Variants in SPOCK1 observed in about 807,000 individuals in gnomAD.
SPOCK1 encodes testican-1.
In SPOCK1, 23 loss-of-function variants were observed where a neutral mutation model predicts 55.3. That is an observed-to-expected ratio of 0.42 (90% CI 0.30 to 0.59). SPOCK1 has a LOEUF of 0.59. Among genes scored for constraint, SPOCK1 ranks in the 20% least tolerant of loss-of-function variants. SPOCK1 has a pLI of 0.22. For missense variants in SPOCK1, 499 were observed against 552.5 expected (o/e 0.90, Z 0.97); for synonymous variants, 226 against 221.0 (o/e 1.02, Z -0.20).
At chr5:137,349,007 A>G (rs901557326) in intron 2 of SPOCK1, among the ~76,000 whole-genome samples, 3 of 152,254 alleles carry the variant, frequency 2.0e-5, no homozygotes, top group Admixed American at 1.3e-4. Context: ...GACTCAACAC[A>G]CTGGTGCTGC....
chr5:137,348,355 T>C (rs1750603827), intron 2 of SPOCK1, among the ~76,000 whole-genome samples: 1 of 152,056 alleles, frequency 6.6e-6, no homozygotes. Flanking sequence ...AAGTTGATTA[T>C]TGGCCTAAAT....
At chr5:137,284,855 A>G (rs554769350) in intron 2 of SPOCK1, among the ~76,000 whole-genome samples, 5 of 152,270 alleles carry the variant, frequency 3.3e-5, no homozygotes, top group African/African-American at 1.2e-4. Flanking sequence ...GAACTACAAG[A>G]TGAGGGAACA....
At chr5:137,252,629 T>C (rs538984303) in intron 3 of SPOCK1, among the ~76,000 whole-genome samples, 6 of 152,310 alleles carry the variant, frequency 3.9e-5, no homozygotes, top group African/African-American at 1.4e-4. Flanking sequence ...ATATAAACAC[T>C]AGGCACATAG....
intron 2 of SPOCK1, among the ~76,000 whole-genome samples, chr5:137,453,813 T>C (rs1021867939): frequency 5.9e-5 from 9 of 152,212 alleles, no homozygotes; most frequent in Non-Finnish European, 1.5e-5. Context: ...ATTGCCCTGT[T>C]CTGTGGGGGT....
chr5:137,014,942 C>G (rs547701691), intron 6 of SPOCK1, among the ~76,000 whole-genome samples: 1 of 152,242 alleles, frequency 6.6e-6, no homozygotes, highest in South Asian at 2.1e-4. Flanking sequence ...AGGTCAAGCC[C>G]ATTTGGAGGT....
intron 3 of SPOCK1, among the ~76,000 whole-genome samples, chr5:137,195,024 G>A (rs1212351148): frequency 6.6e-6 from 1 of 152,096 alleles, no homozygotes; most frequent in Non-Finnish European, 1.5e-5. Context: ...CATCCAACAC[G>A]TGAGTGAGGG....
chr5:137,437,437 C>A (rs190039029), intron 2 of SPOCK1, among the ~76,000 whole-genome samples: 16 of 152,312 alleles, frequency 1.1e-4, no homozygotes, highest in Non-Finnish European at 2.1e-4. Context: ...GTATACCATA[C>A]AATTCACCCA....
At chr5:137,378,511 G>A (rs1751381322) in intron 2 of SPOCK1, among the ~76,000 whole-genome samples, 1 of 152,260 alleles carries the variant, frequency 6.6e-6, no homozygotes, top group Non-Finnish European at 1.5e-5. Context: ...GATGGCTGCA[G>A]TCTCTGAGCT....
At position 137,429,325 on chromosome 5, in the gene SPOCK1, T is replaced by A. The variant is rs140492113; in HGVS notation, c.186+69048A>T. 7.9e-3 allele frequency among the ~76,000 whole-genome samples: 1,203 copies of A among 152,330 alleles called. 11 individuals are homozygous for A. Among genetic ancestry groups the A allele is most frequent in the African/African-American group, 0.028 (1,150 of 41,562 alleles). On this transcript the variant is annotated intron_variant, in intron 2 of 10. Coordinates refer to ENST00000394945, the MANE Select transcript of SPOCK1 (RefSeq NM_004598.4). ...TTCATCTCTGTTTAAGGCAGAACTT[T>A]CTCTGTGAAATGTTTCCAGCTCACC...
Position 137,137,160 on chromosome 5 carries a change from A to G in SPOCK1, c.347+3420T>C, listed in dbSNP as rs560874673. On this transcript the variant is annotated intron_variant, in intron 4 of 10. Transcript: ENST00000394945. ...GCTTGCAAAGATAGCCTAAGTCTGGAGCCTCATAATCAGCTAAAGCCTGGC... is the reference window on the plus strand; with the variant it reads ...GCTTGCAAAGATAGCCTAAGTCTGGGGCCTCATAATCAGCTAAAGCCTGGC... Among the ~76,000 whole-genome samples the G allele has an allele frequency of 2.0e-5, 3 of 152,330 alleles. No homozygotes were observed. In the South Asian group the frequency reaches 6.2e-4, roughly 32 times the overall value.
In SPOCK1 at chr5:137,435,177, T is replaced by C. The variant is rs371182822; in HGVS notation, c.186+63196A>G. Among the ~76,000 whole-genome samples the C allele has an allele frequency of 7.2e-5, 11 of 152,356 alleles. No homozygotes were observed. The East Asian group carries it at 1.2e-3, about 16-fold the overall frequency. Reference sequence around the variant, plus strand: ...AAGTAACCTCTCATTGCTGGATTTATAGCTTGTTCCCAATTTTTAAACTTT... The same window carrying C: ...AAGTAACCTCTCATTGCTGGATTTACAGCTTGTTCCCAATTTTTAAACTTT... On this transcript the variant is annotated intron_variant, in intron 2 of 10. Transcript: ENST00000394945.
intron 2 of SPOCK1, among the ~76,000 whole-genome samples, chr5:137,357,264 A>T (rs1282768220): frequency 6.6e-6 from 1 of 152,150 alleles, no homozygotes; most frequent in Non-Finnish European, 1.5e-5. Context: ...ATAATTGAAC[A>T]TCTATAATTA....
chr5:136,993,698 T>C (rs987333196), intron 6 of SPOCK1, among the ~76,000 whole-genome samples: 1 of 152,124 alleles, frequency 6.6e-6, no homozygotes, highest in Non-Finnish European at 1.5e-5. Context: ...GTTCTGAATA[T>C]CTCATGGTGC....
At chr5:137,205,697 AAAC>A (rs1755507307) in intron 3 of SPOCK1, among the ~76,000 whole-genome samples, 2 of 152,208 alleles carry the variant, frequency 1.3e-5, no homozygotes, top group South Asian at 4.1e-4. Flanking sequence ...ACTGAAGGTC[AAAC>A]AACATTTCTT....
At chr5:137,328,326 G>C (rs898895187) in intron 2 of SPOCK1, among the ~76,000 whole-genome samples, 15 of 152,200 alleles carry the variant, frequency 9.9e-5, no homozygotes, top group African/African-American at 3.1e-4. Flanking sequence ...TGGGAAGAGT[G>C]AAAGTTTGCA....
At position 137,274,233 on chromosome 5, in the gene SPOCK1, A is replaced by C. The variant is rs548856623; in HGVS notation, c.187-7178T>G. Among the ~76,000 whole-genome samples the C allele has an allele frequency of 1.1e-4, 17 of 152,346 alleles. No homozygotes were observed. In the South Asian group the frequency reaches 2.7e-3, roughly 24 times the overall value. On this transcript the variant is annotated intron_variant, in intron 2 of 10. Coordinates refer to ENST00000394945, the MANE Select transcript of SPOCK1 (RefSeq NM_004598.4). ...ATCCACAACCTTGACTTTATTAGCA[A>C]AATTATCAAATTGAGCTGGCCAAGA...
At chr5:137,213,091 G>A (rs1270069999) in intron 3 of SPOCK1, among the ~76,000 whole-genome samples, 4 of 152,150 alleles carry the variant, frequency 2.6e-5, no homozygotes, top group Non-Finnish European at 5.9e-5. Flanking sequence ...GACCATAAAA[G>A]GTGATAATCT....
chr5:137,193,080 A>G (rs1210455105), intron 3 of SPOCK1, among the ~76,000 whole-genome samples: 1 of 152,194 alleles, frequency 6.6e-6, no homozygotes, highest in East Asian at 1.9e-4. Flanking sequence ...GCATTTTTAA[A>G]CAGAGAAGAA....
intron 6 of SPOCK1, among the ~76,000 whole-genome samples, chr5:136,993,699 C>A (rs769011652): frequency 3.3e-5 from 5 of 152,200 alleles, no homozygotes; most frequent in Non-Finnish European, 5.9e-5. Flanking sequence ...TTCTGAATAT[C>A]TCATGGTGCT....
Sources: gnomAD v4.1 joint callset for allele counts (sites outside exome capture counted in the v4.1 genomes callset) on GRCh38, gnomAD v4.1.1 for gene constraint, MANE v1.5 for transcripts, NCBI Gene and HGNC (gene_info 2026-07-23, HGNC 2026-07-21) for gene names.